BMPR1B: variants seen among roughly 807,000 people sequenced by gnomAD.
The protein encoded by BMPR1B is bone morphogenetic protein receptor type-1B.
In BMPR1B, 12 loss-of-function variants were observed where a neutral mutation model predicts 59.1. That is an observed-to-expected ratio of 0.20 (90% CI 0.13 to 0.33). BMPR1B has a LOEUF of 0.33. Among genes scored for constraint, BMPR1B ranks in the 10% least tolerant of loss-of-function variants. The pLI is 1.00. For missense variants in BMPR1B, 550 were observed against 610.9 expected (o/e 0.90, Z 1.05); for synonymous variants, 237 against 207.3 (o/e 1.14, Z -1.23).
At chr4:95,084,379 T>C (rs576973575) in intron 3 of BMPR1B, among the ~76,000 whole-genome samples, 195 of 152,100 alleles carry the variant, frequency 1.3e-3, no homozygotes, top group African/African-American at 4.3e-3. Context: ...ATTGTGTATA[T>C]ATACATTTTT....
chr4:95,107,308 A>G (rs1731260659), intron 4 of BMPR1B, among the ~76,000 whole-genome samples: 2 of 152,182 alleles, frequency 1.3e-5, no homozygotes, highest in African/African-American at 4.8e-5. Context: ...AAGAACTGAA[A>G]AATGGCAATC....
intron 2 of BMPR1B, among the ~76,000 whole-genome samples, chr4:94,921,693 A>G (rs78136159): frequency 0.015 from 2,250 of 152,220 alleles, 21 homozygotes; most frequent in Admixed American, 0.02. Context: ...CATCTCCAAT[A>G]TTAGGCATTA....
At chr4:94,870,438 T>G (rs1375705547) in intron 1 of BMPR1B, among the ~76,000 whole-genome samples, 1 of 144,588 alleles carries the variant, frequency 6.9e-6, no homozygotes. Context: ...TTGGTTATGC[T>G]ATTTGCCATG....
rs181819185 is a variant in BMPR1B, at chr4:95,136,942, C to A, written c.1076+5430C>A. On this transcript the variant is annotated intron_variant, in intron 10 of 12. Transcript: ENST00000515059. ...CTGCTCTGATCTTAGTTATTTCTTGCCTTCTGCTAGCTTTTGAATGTGTTT... is the reference window on the plus strand; with the variant it reads ...CTGCTCTGATCTTAGTTATTTCTTGACTTCTGCTAGCTTTTGAATGTGTTT... Among the ~76,000 whole-genome samples, 9 of 151,908 alleles carry A rather than the reference C, an allele frequency of 5.9e-5. No individual in the cohort carries two copies. The East Asian group carries it at 1.4e-3, about 23-fold the overall frequency.
intron 2 of BMPR1B, among the ~76,000 whole-genome samples, chr4:94,889,006 G>A (rs1260095304): frequency 2.0e-5 from 3 of 151,770 alleles, no homozygotes; most frequent in Non-Finnish European, 4.4e-5. Flanking sequence ...ATGAGATACA[G>A]GTTTTAAGAG....
intron 3 of BMPR1B, among the ~76,000 whole-genome samples, chr4:95,003,137 A>G (rs1039772287): frequency 4.6e-5 from 7 of 152,288 alleles, no homozygotes; most frequent in South Asian, 2.1e-4. Flanking sequence ...AAGCTAACCA[A>G]TATTTTCTCA....
chr4:95,091,384 G>A (rs1430158678), intron 3 of BMPR1B: 8 of 861,622 alleles, frequency 9.3e-6, no homozygotes, highest in African/African-American at 1.8e-5. Flanking sequence ...TTGCTTGACC[G>A]GAATAATGTC....
At chr4:94,837,937 A>G (rs1473710481) in intron 1 of BMPR1B, among the ~76,000 whole-genome samples, 2 of 129,200 alleles carry the variant, frequency 1.5e-5, no homozygotes, top group Non-Finnish European at 3.3e-5. Flanking sequence ...TGTCCCATCA[A>G]TACCTAATTT....
intron 2 of BMPR1B, among the ~76,000 whole-genome samples, chr4:94,921,250 T>TA (rs1435184172): frequency 6.6e-6 from 1 of 152,138 alleles, no homozygotes; most frequent in Non-Finnish European, 1.5e-5. Context: ...CTAATATTGA[T>TA]ACGTGAACAG....
chr4:94,963,749 A>G (rs560889630), intron 2 of BMPR1B, among the ~76,000 whole-genome samples: 4 of 152,264 alleles, frequency 2.6e-5, no homozygotes, highest in African/African-American at 7.2e-5. Context: ...GTGTTGTAAT[A>G]TAATTTGAAA....
At chr4:94,966,160 T>A (rs1177139080) in intron 2 of BMPR1B, among the ~76,000 whole-genome samples, 2 of 152,216 alleles carry the variant, frequency 1.3e-5, no homozygotes, top group African/African-American at 4.8e-5. Context: ...CACAATTTTG[T>A]TGGATACTTA....
chr4:94,884,668 T>C (rs969911212), intron 2 of BMPR1B, among the ~76,000 whole-genome samples: 3 of 152,228 alleles, frequency 2.0e-5, no homozygotes, highest in Admixed American at 6.5e-5. Flanking sequence ...ATGAATAAGA[T>C]GGCATCTTAT....
In BMPR1B at chr4:95,095,343, A is replaced by G. The variant is rs547531973; in HGVS notation, c.-17-9065A>G. 2.5e-4 allele frequency among the ~76,000 whole-genome samples: 38 copies of G among 152,238 alleles called. No individual in the cohort carries two copies. The South Asian group carries it at 7.2e-3, about 29-fold the overall frequency. ...TAAAAAAACTGTGAGTATTTAAACT[A>G]GTTTTGGTTAAGAAAGAAAATGGGC... On this transcript the variant is annotated intron_variant, in intron 3 of 12. Coordinates refer to ENST00000515059, the MANE Select transcript of BMPR1B (RefSeq NM_001203.3).
At chr4:94,859,812 G>A (rs1041482816) in intron 1 of BMPR1B, among the ~76,000 whole-genome samples, 1 of 152,072 alleles carries the variant, frequency 6.6e-6, no homozygotes, top group Admixed American at 6.5e-5. Flanking sequence ...GGCTCAGACT[G>A]TGAGGAGATT....
In BMPR1B at chr4:94,964,958, G is replaced by GGT. The variant is rs386677436; in HGVS notation, c.-112-31082_-112-31081insGT. On this transcript the variant is annotated intron_variant, in intron 2 of 12. Transcript: ENST00000515059. ...TACCCTTGCCCCTGCCTATTCTAAT[G>GGT]CTGAATTTCTTTCAAGACCATGCTG... is the stretch of plus-strand genomic sequence containing the variant. Among the ~76,000 whole-genome samples the GGT allele has an allele frequency of 3.5e-3, 526 of 152,232 alleles. 1 individual carries two copies. The highest frequency in any genetic ancestry group is 0.012 in the African/African-American group (501 of 41,560).
intron 2 of BMPR1B, among the ~76,000 whole-genome samples, chr4:94,950,069 G>C (rs896539537): frequency 6.6e-6 from 1 of 152,052 alleles, no homozygotes. Context: ...TCATGTGTTT[G>C]TTGGCCACAT....
chr4:95,099,906 CTG>C (rs1396473918), intron 3 of BMPR1B, among the ~76,000 whole-genome samples: 1 of 152,178 alleles, frequency 6.6e-6, no homozygotes, highest in Non-Finnish European at 1.5e-5. Flanking sequence ...CATCTCTCGT[CTG>C]TATAAGAGTT....
intron 6 of BMPR1B, among the ~76,000 whole-genome samples, chr4:95,116,421 G>GCGCGCGCGCGCACACACACACA: frequency 1.3e-4 from 16 of 123,246 alleles, no homozygotes; most frequent in African/African-American, 5.0e-4. Flanking sequence ...TTCAGCGCGC[G>GCGCGCGCGCGCACACACACACA]CACACACACA....
At chr4:94,981,617 G>T (rs1353408753) in intron 2 of BMPR1B, among the ~76,000 whole-genome samples, 1 of 152,080 alleles carries the variant, frequency 6.6e-6, no homozygotes, top group African/African-American at 2.4e-5. Context: ...GATGATTTCA[G>T]CTGTTAAAAA....
Sources: allele counts gnomAD v4.1 joint callset (sites outside exome capture counted in the v4.1 genomes callset), GRCh38; gene constraint gnomAD v4.1.1; transcripts MANE v1.5; gene names NCBI Gene and HGNC (gene_info 2026-07-23, HGNC 2026-07-21).